Variants in GRIP2 observed in about 807,000 individuals in gnomAD.
GRIP2 encodes glutamate receptor interacting protein 2, also known as glutamate receptor-interacting protein 2.
A neutral mutation model predicts 108.3 loss-of-function variants in GRIP2; 58 were observed. The observed-to-expected ratio is 0.54, with a 90% CI of 0.43 to 0.67. GRIP2 has a LOEUF of 0.67. GRIP2 is among the 30% of genes least tolerant of loss of function. The pLI is 0.00. For missense variants in GRIP2, 1,278 were observed against 1,430.6 expected, an observed-to-expected ratio of 0.89 and a Z score of 1.72; for synonymous variants, 586 against 598.2, an observed-to-expected ratio of 0.98 and a Z score of 0.30.
chr3:14,537,289 C>T (rs1694856969), intron 1 of GRIP2, among the ~76,000 whole-genome samples: 1 of 152,218 alleles, frequency 6.6e-6, no homozygotes, highest in African/African-American at 2.4e-5. Flanking sequence ...AGAAATGTCA[C>T]CTCCTCAGGG....
At chr3:14,581,541 G>A in the GRIP2 span, among the ~76,000 whole-genome samples, 5 of 152,374 alleles carry the variant, frequency 3.3e-5, no homozygotes, top group African/African-American at 7.2e-5. Context: ...GGACAAGCAC[G>A]TGACCCCACA....
At position 14,512,873 on chromosome 3, in the gene GRIP2, C is replaced by T; in HGVS notation, c.1640-16G>A. 3 of 1,612,960 alleles carry T rather than the reference C, an allele frequency of 1.9e-6. No homozygotes were observed. The highest frequency in any genetic ancestry group is 2.5e-6 in the Non-Finnish European group (3 of 1,179,214). On this transcript the variant is annotated splice_polypyrimidine_tract_variant and intron_variant, in intron 13 of 23. Coordinates refer to ENST00000621039, the MANE Select transcript of GRIP2 (RefSeq NM_001080423.4). This position sits in a 1 kb window ranked among gnomAD's most constrained non-coding sequence, Gnocchi z 5.1. ...ATGACGGACTCTGGGGGTAGATGGACATAAACCGACGTGAGGACCCAGAGG... is the reference window on the plus strand; with the variant it reads ...ATGACGGACTCTGGGGGTAGATGGATATAAACCGACGTGAGGACCCAGAGG...
chr3:14,496,939 G>A (rs1232956222), intron 21 of GRIP2, among the ~76,000 whole-genome samples: 4 of 150,024 alleles, frequency 2.7e-5, no homozygotes, highest in Non-Finnish European at 5.9e-5. Flanking sequence ...TGAACCCAGA[G>A]TCTAGTTCCA....
the GRIP2 span, among the ~76,000 whole-genome samples, chr3:14,587,199 G>A: frequency 2.0e-5 from 3 of 152,342 alleles, no homozygotes; most frequent in East Asian, 5.8e-4. Context: ...GAGGTCCACT[G>A]CATGGCAATG....
At position 14,555,476 on chromosome 3, in the gene GRIP2, G is replaced by C. The variant is rs576647837; in HGVS notation, c.55+424C>G. Among the ~76,000 whole-genome samples the C allele has an allele frequency of 5.9e-5, 9 of 152,292 alleles. No individual in the cohort carries two copies. The South Asian group carries it at 1.9e-3, about 32-fold the overall frequency. The stretch of plus-strand genomic sequence containing the variant: ...GTGCAAGAGGAACAGAGAAGAGCAA[G>C]ACAGAGACAGACAGAGTGGGAGAGA... On this transcript the variant is annotated intron_variant, in intron 1 of 23. Transcript: ENST00000637182.
intron 1 of GRIP2, among the ~76,000 whole-genome samples, chr3:14,553,106 CT>C (rs35902290): frequency 0.38 from 50,164 of 131,046 alleles, 9,582 homozygotes; most frequent in African/African-American, 0.5. Context: ...ATTTTCTTTC[CT>C]TTTTTTTTTT....
At chr3:14,497,147 A>G (rs1693632876) in intron 21 of GRIP2, among the ~76,000 whole-genome samples, 2 of 151,880 alleles carry the variant, frequency 1.3e-5, no homozygotes, top group African/African-American at 4.8e-5. Flanking sequence ...TTTCTTTTTT[A>G]GTACAGACGA....
upstream of GRIP2, among the ~76,000 whole-genome samples, chr3:14,543,780 C>A (rs2124967675): frequency 1.3e-5 from 2 of 152,358 alleles, no homozygotes; most frequent in East Asian, 3.9e-4. Context: ...GGCCACTGAG[C>A]TGGCAGGCAG....
chr3:14,574,837 T>A, the GRIP2 span: 1 of 329,540 alleles, frequency 3.0e-6, no homozygotes. Context: ...ATGTGCAACA[T>A]ACAACAAAAC....
In GRIP2 at chr3:14,512,797, T is replaced by A. The variant is rs752272075; in HGVS notation, c.1700A>T (p.Glu567Val). The part of the protein sequence containing the change: ...HVKLPKKRSV[E>V]LGITISSASR... The stretch of plus-strand genomic sequence containing the variant: ...CTCACAGCTGATGGTGATGCCCAGC[T>A]CCACGCTGCGCTTCTTGGGCAGCTT... The change falls in exon 14 of 24, where the codon GAG becomes GTG. Residue 567 changes from glutamate (E) to valine (V), a missense_variant. Physicochemically the swap from Glu to Val is moderately radical, Grantham distance 121 (BLOSUM62 -2). Transcript: ENST00000621039. The surrounding 1 kb of genome is among the most constrained non-coding windows in gnomAD (Gnocchi z 5.1). The A allele has an allele frequency of 6.2e-7, 1 of 1,613,580 alleles. No homozygotes were observed. Among genetic ancestry groups the A allele is most frequent in the South Asian group, 1.1e-5 (1 of 91,072 alleles).
At chr3:14,583,657 T>G in the GRIP2 span, among the ~76,000 whole-genome samples, 1 of 152,204 alleles carries the variant, frequency 6.6e-6, no homozygotes, top group Non-Finnish European at 1.5e-5. Flanking sequence ...ATCAGCTCAT[T>G]AACCCCCTTG....
chr3:14,522,309 G>C lies in GRIP2; in HGVS notation c.567-522C>G, dbSNP rs576040075. 1 of 153,590 alleles carries C rather than the reference G, an allele frequency of 6.5e-6. No individual in the cohort carries two copies. Among genetic ancestry groups the C allele is most frequent in the South Asian group, 2.1e-4 (1 of 4,862 alleles). The allele number at this position is 153,590 out of a possible 1,614,324, so 9.5% of individuals were successfully genotyped here. ...GGGAAAGAACTCAACAGGGGCCAGG[G>C]GAGGGGCCCCAGCAGGGTTCACCTC... On this transcript the variant is annotated intron_variant, in intron 6 of 23. Transcript: ENST00000621039. This position sits in a 1 kb window ranked among gnomAD's most constrained non-coding sequence, Gnocchi z 4.3.
chr3:14,563,010 G>C, the GRIP2 span, among the ~76,000 whole-genome samples: 1 of 151,552 alleles, frequency 6.6e-6, no homozygotes, highest in Non-Finnish European at 1.5e-5. Flanking sequence ...AATGAGAGTG[G>C]GGGAAAAAAA....
In GRIP2 at chr3:14,521,474, A is replaced by G. The variant is rs368525249; in HGVS notation, c.712+168T>C. The G allele has an allele frequency of 7.6e-4, 540 of 708,110 alleles. 8 individuals carry two copies. In the South Asian group the frequency reaches 0.012, roughly 15 times the overall value. The allele number at this position is 708,110 out of a possible 1,614,324, so 43.9% of individuals were successfully genotyped here. A position where few individuals can be genotyped will look rare whatever the true frequency, so the allele number is the denominator to read the frequency against. On this transcript the variant is annotated intron_variant, in intron 7 of 23. Coordinates refer to ENST00000621039, the MANE Select transcript of GRIP2 (RefSeq NM_001080423.4). This position sits in a 1 kb window ranked among gnomAD's most constrained non-coding sequence, Gnocchi z 5.1. ...TTGTTCTAGGCTGGATCCCCAGCACATCAAACAATGCCTAGCACATACTAT... is the reference window on the plus strand; with the variant it reads ...TTGTTCTAGGCTGGATCCCCAGCACGTCAAACAATGCCTAGCACATACTAT...
At chr3:14,495,887 T>C (rs1051050551) in intron 22 of GRIP2, among the ~76,000 whole-genome samples, 6 of 152,130 alleles carry the variant, frequency 3.9e-5, no homozygotes, top group African/African-American at 1.4e-4. Context: ...GGCTCACACA[T>C]GTAATCTCAG....
chr3:14,576,540 G>A, the GRIP2 span, among the ~76,000 whole-genome samples: 1 of 152,238 alleles, frequency 6.6e-6, no homozygotes, highest in African/African-American at 2.4e-5. Flanking sequence ...GGGCCAGAGG[G>A]CCATGGAAGA....
In GRIP2 at chr3:14,493,696, G is replaced by A. The variant is rs767939977; in HGVS notation, c.3101C>T (p.Ser1034Leu). The A allele has an allele frequency of 9.3e-6, 15 of 1,607,916 alleles. No individual in the cohort carries two copies. Among genetic ancestry groups the A allele is most frequent in the East Asian group, 2.2e-5 (1 of 44,712 alleles). ...HTAHSSRAPR[S>L]PGPSSPRML ...CATCCGGGGACTGCTGGGGCCTGGC[G>A]ATCGGGGGGCCCGGCTGCTGTGTGC... The change falls in exon 24 of 24, where the codon TCG becomes TTG. Residue 1034 changes from serine (S) to leucine (L), a missense_variant. Physicochemically the swap from Ser to Leu is moderately radical, Grantham distance 145 (BLOSUM62 -2). Coordinates refer to ENST00000621039, the MANE Select transcript of GRIP2 (RefSeq NM_001080423.4).
At chr3:14,573,135 A>T in the GRIP2 span, 1 of 1,433,002 alleles carries the variant, frequency 7.0e-7, no homozygotes, top group Non-Finnish European at 9.8e-7. Flanking sequence ...CAGCAGCCCA[A>T]AGGTGCAGAG....
At chr3:14,594,347 T>C in the GRIP2 span, among the ~76,000 whole-genome samples, 1 of 152,208 alleles carries the variant, frequency 6.6e-6, no homozygotes, top group Non-Finnish European at 1.5e-5. Flanking sequence ...ATGGATCAGA[T>C]GCCCCAGGAG....
Sources: allele counts gnomAD v4.1 joint callset (sites outside exome capture counted in the v4.1 genomes callset), GRCh38; gene constraint gnomAD v4.1.1; non-coding constraint Gnocchi (gnomAD v3.1); transcripts MANE v1.5; gene names NCBI Gene and HGNC (gene_info 2026-07-23, HGNC 2026-07-21).